SHTN1: variants seen among roughly 807,000 people sequenced by gnomAD.
SHTN1 encodes shootin 1.
A neutral mutation model predicts 83.1 loss-of-function variants in SHTN1; 42 were observed. The observed-to-expected ratio is 0.51, with a 90% CI of 0.39 to 0.65. The LOEUF (loss-of-function observed/expected upper bound fraction) is 0.65. SHTN1 is among the 30% of genes least tolerant of loss of function. The probability of loss-of-function intolerance (pLI) is 0.00; values close to 1 mark genes in which losing one functional copy is unlikely to be tolerated. For synonymous variants in SHTN1, 224 were observed against 247.7 expected (o/e 0.90, Z 0.90); for missense variants, 622 against 737.8 (o/e 0.84, Z 1.82).
chr10:117,070,909 C>T (rs1564949241), intron 1 of SHTN1, among the ~76,000 whole-genome samples: 1 of 151,956 alleles, frequency 6.6e-6, no homozygotes, highest in Non-Finnish European at 1.5e-5. Context: ...CTTCACCAGC[C>T]CACAAACAGA....
At position 117,063,045 on chromosome 10, in the gene SHTN1, G is replaced by A. The variant is rs79773133; in HGVS notation, c.-188-14535C>T. On this transcript the variant is annotated intron_variant, in intron 1 of 17. Transcript: ENST00000392901. ...ATAAATGGAGATGGCTTTGTAAACC[G>A]CAGAAGGGAAGTTTTCACAAACATA... is the stretch of plus-strand genomic sequence containing the variant. 3.2e-3 allele frequency among the ~76,000 whole-genome samples: 484 copies of A among 152,252 alleles called. 17 individuals are homozygous for A. The East Asian group carries it at 0.077, about 24-fold the overall frequency.
Position 116,954,170 on chromosome 10 carries a change from A to G in SHTN1, c.308T>C (p.Leu103Ser). 1 of 1,612,204 alleles carries G rather than the reference A, an allele frequency of 6.2e-7. No individual in the cohort carries two copies. The highest frequency in any genetic ancestry group is 8.5e-7 in the Non-Finnish European group (1 of 1,179,272). ...ATCTGGTCCCAGCTTGGCCATGTAC[A>G]ACATGCTGATTCTTTTCAACGTTTT... ...ENKTLKRISM[L>S]YMAKLGPDVI... Residue 103 changes from leucine to serine, a missense_variant, in exon 5 of 17, where the codon TTG (leucine) becomes TCG (serine). Coordinates refer to ENST00000355371, the MANE Select transcript of SHTN1 (RefSeq NM_001127211.3).
At chr10:117,101,743 G>T (rs139188294) in intron 1 of SHTN1, among the ~76,000 whole-genome samples, 7 of 152,086 alleles carry the variant, frequency 4.6e-5, no homozygotes, top group Non-Finnish European at 1.0e-4. Flanking sequence ...GCCTGTTCCC[G>T]AACGGTTGAT....
intron 1 of SHTN1, among the ~76,000 whole-genome samples, chr10:117,082,747 T>G (rs1040023140): frequency 1.3e-5 from 2 of 151,876 alleles, no homozygotes; most frequent in Non-Finnish European, 2.9e-5. Flanking sequence ...ATATTTAGGA[T>G]AGTTAGCTCT....
chr10:116,946,477 T>C (rs1041742054), intron 7 of SHTN1, among the ~76,000 whole-genome samples: 7 of 144,780 alleles, frequency 4.8e-5, no homozygotes, highest in African/African-American at 1.8e-4. Context: ...ATGTATAAAA[T>C]GTAAATATTT....
intron 1 of SHTN1, among the ~76,000 whole-genome samples, chr10:117,115,426 G>GA (rs1227816827): frequency 6.6e-6 from 1 of 152,164 alleles, no homozygotes; most frequent in Non-Finnish European, 1.5e-5. Flanking sequence ...AGCGCTCAGG[G>GA]AATGTTAGTT....
At chr10:117,007,057 A>C (rs1326596106), upstream of SHTN1, among the ~76,000 whole-genome samples, 1 of 152,076 alleles carries the variant, frequency 6.6e-6, no homozygotes, top group Non-Finnish European at 1.5e-5. Context: ...TTTAAAAATA[A>C]TTTTGATATG....
At chr10:117,005,862 T>G (rs1344363938), upstream of SHTN1, among the ~76,000 whole-genome samples, 1 of 152,360 alleles carries the variant, frequency 6.6e-6, no homozygotes, top group African/African-American at 2.4e-5. Context: ...GCAGATCATC[T>G]GGTTGGTGGC....
At chr10:117,002,858 C>G (rs1247014324) in intron 1 of SHTN1, among the ~76,000 whole-genome samples, 1 of 152,184 alleles carries the variant, frequency 6.6e-6, no homozygotes, top group Non-Finnish European at 1.5e-5. Flanking sequence ...TCTAACTGTT[C>G]TATTACCTTT....
At chr10:117,081,831 T>C in intron 1 of SHTN1, among the ~76,000 whole-genome samples, 1 of 151,708 alleles carries the variant, frequency 6.6e-6, no homozygotes, top group Non-Finnish European at 1.5e-5. Flanking sequence ...GTAGAGGTGT[T>C]TGTAGTATTC....
At chr10:116,962,048 C>G (rs563988893) in intron 3 of SHTN1, among the ~76,000 whole-genome samples, 31 of 122,198 alleles carry the variant, frequency 2.5e-4, no homozygotes, top group African/African-American at 7.4e-4. Context: ...AGCTCCCCCC[C>G]CCTTCCACAT....
At position 116,886,220 on chromosome 10, in the gene SHTN1, A is replaced by G; in HGVS notation, c.*124T>C. The G allele has an allele frequency of 7.4e-7, 1 of 1,348,322 alleles. No homozygotes were observed. The highest frequency in any genetic ancestry group is 1.0e-6 in the Non-Finnish European group (1 of 1,001,232). 83.5% of individuals were successfully genotyped at this position (1,348,322 alleles called of 1,614,324 possible). A position where few individuals can be genotyped will look rare whatever the true frequency, so the allele number is the denominator to read the frequency against. On this transcript the variant is annotated 3_prime_UTR_variant, in exon 17 of 17. Transcript: ENST00000355371. ...TGCTACTTACAAAAGTGACACCAGA[A>G]AAGAACCTGTATTCTGAATACAGTG...
intron 3 of SHTN1, among the ~76,000 whole-genome samples, chr10:116,963,107 T>G (rs1589848054): frequency 8.6e-6 from 1 of 115,688 alleles, no homozygotes; most frequent in East Asian, 2.9e-4. Context: ...AGTCTCGCTC[T>G]GTGGCCCAGG....
Position 116,968,574 on chromosome 10 carries a change from C to G in SHTN1, c.172+78G>C. ...TTGTATGACCAGGACATTAGCAACT[C>G]AATAGGGTATAAGTCTACTCACATA... On this transcript the variant is annotated intron_variant, in intron 3 of 16. Transcript: ENST00000355371. The G allele has an allele frequency of 2.9e-6, 3 of 1,027,704 alleles. No individual in the cohort carries two copies. The South Asian group carries it at 4.4e-5, about 15-fold the overall frequency. The allele number at this position is 1,027,704 out of a possible 1,614,324, so 63.7% of individuals were successfully genotyped here.
chr10:117,117,846 C>G (rs557328202), intron 1 of SHTN1, among the ~76,000 whole-genome samples: 67 of 152,162 alleles, frequency 4.4e-4, no homozygotes, highest in Non-Finnish European at 7.9e-4. Flanking sequence ...CATATGCGGC[C>G]AAATGAAACT....
chr10:117,039,416 A>G (rs1454581743), intron 2 of SHTN1, among the ~76,000 whole-genome samples: 1 of 152,204 alleles, frequency 6.6e-6, no homozygotes, highest in Non-Finnish European at 1.5e-5. Context: ...ACGTATCATT[A>G]TACATTTGTC....
chr10:116,946,999 G>A (rs1465184788), intron 7 of SHTN1, among the ~76,000 whole-genome samples: 1 of 151,954 alleles, frequency 6.6e-6, no homozygotes, highest in Non-Finnish European at 1.5e-5. Flanking sequence ...GGGATTACAG[G>A]TGTGAGCCAC....
In SHTN1 at chr10:116,886,439, GA is replaced by G. The variant is rs1460109843; in HGVS notation, c.1800del (p.Pro601GlnfsTer23). ...CCTTCATCCTCCTTGTGTTGAGTTG[GA>G]TCTTTTTCAGCAACCTGGTCTTTGG... The part of the protein sequence containing the change: ...PQTKDQVAEK[D>X]PTQHKEDEGE... On this transcript the variant is annotated frameshift_variant, in exon 17 of 17. Coordinates refer to ENST00000355371, the MANE Select transcript of SHTN1 (RefSeq NM_001127211.3). LOFTEE classifies it low-confidence loss of function (END_TRUNC). 2.5e-6 allele frequency: 4 copies of G among 1,611,652 alleles called. No individual in the cohort carries two copies. In the African/African-American group the frequency reaches 5.3e-5, roughly 22 times the overall value.
intron 2 of SHTN1, among the ~76,000 whole-genome samples, chr10:117,014,563 A>C (rs1209309171): frequency 6.6e-6 from 1 of 152,132 alleles, no homozygotes; most frequent in Non-Finnish European, 1.5e-5. Flanking sequence ...ACTACTCTAC[A>C]TGTAGGGTAG....
Sources: gnomAD v4.1 joint callset for allele counts (sites outside exome capture counted in the v4.1 genomes callset) on GRCh38, gnomAD v4.1.1 for gene constraint, MANE v1.5 for transcripts, NCBI Gene and HGNC (gene_info 2026-07-23, HGNC 2026-07-21) for gene names.